The following TRMT44 variants were observed in gnomAD, a reference collection of about 807,000 sequenced individuals.
TRMT44 encodes the protein probable tRNA (uracil-O(2)-)-methyltransferase.
In TRMT44, 78 loss-of-function variants were observed where a neutral mutation model predicts 77.3. That is an observed-to-expected ratio of 1.01 (90% CI 0.84 to 1.22). The LOEUF (loss-of-function observed/expected upper bound fraction) is 1.22, where lower values mean the gene tolerates loss of function less well. Among genes scored for constraint, TRMT44 ranks in the 50% most tolerant of loss-of-function variants. TRMT44 has a pLI of 0.00. For synonymous variants in TRMT44, 391 were observed against 383.3 expected, an observed-to-expected ratio of 1.02 and a Z score of -0.23; for missense variants, 1,090 against 964.4, an observed-to-expected ratio of 1.13 and a Z score of -1.73.
chr4:8,491,770 C>G (rs910182467), intron 2 of TRMT44, among the ~76,000 whole-genome samples: 2 of 152,226 alleles, frequency 1.3e-5, no homozygotes, highest in African/African-American at 4.8e-5. Context: ...CACGCAGCCC[C>G]GGTTCCCGCT....
chr4:8,453,155 CA>C (rs1280313189), intron 5 of TRMT44, among the ~76,000 whole-genome samples, 166 bp downstream of exon 5: 1 of 152,186 alleles, frequency 6.6e-6, no homozygotes, highest in Non-Finnish European at 1.5e-5. Flanking sequence ...GATAAACAAA[CA>C]GCTCCTAAAA....
chr4:8,468,465 C>T, intron 9 of TRMT44, 119 bp downstream of exon 9: 2 of 1,053,438 alleles, frequency 1.9e-6, no homozygotes, highest in South Asian at 1.4e-5. Context: ...TTTGAAAAAG[C>T]CATTGATGGT....
chr4:8,500,184 G>A, the TRMT44 span, among the ~76,000 whole-genome samples: 1 of 152,100 alleles, frequency 6.6e-6, no homozygotes, highest in South Asian at 2.1e-4. Flanking sequence ...AATGAAGTGA[G>A]ACTCTGTCTC....
At chr4:8,467,101 C>G (rs1045204467) in intron 8 of TRMT44, among the ~76,000 whole-genome samples, 1 of 152,212 alleles carries the variant, frequency 6.6e-6, no homozygotes, top group African/African-American at 2.4e-5. Flanking sequence ...GGGTGTGCGG[C>G]AAAGGGAGGC....
rs1724595092 is a variant in TRMT44 at position 8,440,798 on chromosome 4, C to T, written c.-25C>T. ...CTGCGTCATCTCGGCGCGCCGCTGC[C>T]AGGGCTGTACACCTGCTGGCTGCCA... On this transcript the variant is annotated 5_prime_UTR_variant, in exon 1 of 11. Coordinates refer to ENST00000389737, the MANE Select transcript of TRMT44 (RefSeq NM_152544.3). The T allele has an allele frequency of 7.1e-7, 1 of 1,399,294 alleles. No individual in the cohort carries two copies. The highest frequency in any genetic ancestry group is 9.3e-7 in the Non-Finnish European group (1 of 1,080,738). The allele number at this position is 1,399,294 out of a possible 1,614,324, so 86.7% of individuals were successfully genotyped here.
chr4:8,475,634 G>C, intron 10 of TRMT44, 138 bp from the exon 11 acceptor site: 2 of 743,114 alleles, frequency 2.7e-6, no homozygotes, highest in Non-Finnish European at 4.4e-6. Flanking sequence ...GTGACCAGCA[G>C]GAACTCTAGG....
chr4:8,511,222 G>A, the TRMT44 span, among the ~76,000 whole-genome samples: 1 of 152,192 alleles, frequency 6.6e-6, no homozygotes, highest in Non-Finnish European at 1.5e-5. Flanking sequence ...AGAAGTATGT[G>A]AGCCCGTTCC....
At chr4:8,462,578 G>A (rs1726228167) in intron 6 of TRMT44, among the ~76,000 whole-genome samples, 1 of 151,924 alleles carries the variant, frequency 6.6e-6, no homozygotes, top group African/African-American at 2.4e-5. Flanking sequence ...GGTGGCGGGT[G>A]CCTGTAATCC....
the TRMT44 span, among the ~76,000 whole-genome samples, chr4:8,500,232 C>G: frequency 3.3e-5 from 5 of 152,032 alleles, no homozygotes; most frequent in African/African-American, 2.4e-5. Flanking sequence ...TGGCTCATGC[C>G]TATAATCCCT....
At chr4:8,508,484 G>A in the TRMT44 span, among the ~76,000 whole-genome samples, 3 of 152,172 alleles carry the variant, frequency 2.0e-5, no homozygotes, top group South Asian at 2.1e-4. Flanking sequence ...TGGCCACCTC[G>A]TCCCCTCTGC....
At chr4:8,506,246 C>G in the TRMT44 span, among the ~76,000 whole-genome samples, 4 of 152,222 alleles carry the variant, frequency 2.6e-5, no homozygotes, top group East Asian at 5.8e-4. Context: ...GTGGGTGTCA[C>G]AAGCTGCTGA....
rs1724951239 is a variant in TRMT44, at chr4:8,444,614, TCTC to T, written c.620-1859_620-1857del. Among the ~76,000 whole-genome samples the T allele has an allele frequency of 6.6e-6, 1 of 152,206 alleles. No homozygotes were observed. The highest frequency in any genetic ancestry group is 1.5e-5 in the Non-Finnish European group (1 of 68,044). ...GGTTTCACCATGTTGGCCAGACTGG[TCTC>T]CTACTCCTGACCTCACGTGATCCGC... On this transcript the variant is annotated intron_variant, in intron 1 of 10. Transcript: ENST00000389737. This position sits in a 1 kb window ranked among gnomAD's most constrained non-coding sequence, Gnocchi z 4.0.
chr4:8,511,980 G>T, the TRMT44 span: 2 of 152,160 alleles, frequency 1.3e-5, no homozygotes, highest in African/African-American at 4.8e-5. Context: ...CCCTGCAATA[G>T]ATCCCTTTAA....
chr4:8,451,825 G>T lies in TRMT44; in HGVS notation c.955-135G>T. ...TGTAAGAAACCAGTTGTGAATTCCTGCCTTTGAGCTTATGTTTCCTATTTT... is the reference window on the plus strand; with the variant it reads ...TGTAAGAAACCAGTTGTGAATTCCTTCCTTTGAGCTTATGTTTCCTATTTT... On this transcript the variant is annotated intron_variant, in intron 3 of 10. Coordinates refer to ENST00000389737, the MANE Select transcript of TRMT44 (RefSeq NM_152544.3). This position sits in a 1 kb window ranked among gnomAD's most constrained non-coding sequence, Gnocchi z 4.1. 1.3e-6 allele frequency: 1 copy of T among 757,990 alleles called. No homozygotes were observed. The allele number at this position is 757,990 out of a possible 1,614,324, so 47.0% of individuals were successfully genotyped here.
intron 5 of TRMT44, 154 bp from the exon 6 acceptor site, chr4:8,454,588 G>T: frequency 3.1e-6 from 2 of 655,466 alleles, no homozygotes; most frequent in Admixed American, 2.7e-5. Flanking sequence ...CACCTGGTGC[G>T]CTGGACACAT....
the TRMT44 span, among the ~76,000 whole-genome samples, chr4:8,507,763 G>A: frequency 4.6e-5 from 7 of 152,294 alleles, no homozygotes; most frequent in South Asian, 2.1e-4. Flanking sequence ...GAGACACAGC[G>A]TGTTCCGGCC....
chr4:8,457,017 G>C (rs77042893), intron 6 of TRMT44, among the ~76,000 whole-genome samples: 47 of 126,198 alleles, frequency 3.7e-4, no homozygotes, highest in African/African-American at 5.7e-4. Flanking sequence ...CAAGACACCC[G>C]CCCCCCCCCC....
chr4:8,446,661 C>G lies in TRMT44; in HGVS notation c.734+71C>G. ...GATTTCTTTAGGTAGCCAAAGGATTCTGGGTTGCCAGGGCTTAAGGTCCTG... is the reference window on the plus strand; with the variant it reads ...GATTTCTTTAGGTAGCCAAAGGATTGTGGGTTGCCAGGGCTTAAGGTCCTG... On this transcript the variant is annotated intron_variant, in intron 2 of 10. Coordinates refer to ENST00000389737, the MANE Select transcript of TRMT44 (RefSeq NM_152544.3). The surrounding 1 kb of genome is among the most constrained non-coding windows in gnomAD (Gnocchi z 4.3). 8.6e-7 allele frequency: 1 copy of G among 1,157,578 alleles called. No individual in the cohort carries two copies. The allele number at this position is 1,157,578 out of a possible 1,614,324, so 71.7% of individuals were successfully genotyped here.
chr4:8,494,189 C>T (rs1448796778), downstream of TRMT44, among the ~76,000 whole-genome samples: 2 of 151,992 alleles, frequency 1.3e-5, no homozygotes, highest in African/African-American at 2.4e-5. Flanking sequence ...CCATTCTATT[C>T]CTAAATAAGA....
Sources: allele counts gnomAD v4.1 joint callset (sites outside exome capture counted in the v4.1 genomes callset), GRCh38; gene constraint gnomAD v4.1.1; non-coding constraint Gnocchi (gnomAD v3.1); transcripts MANE v1.5; gene names NCBI Gene and HGNC (gene_info 2026-07-23, HGNC 2026-07-21).